MYO16: variants seen among roughly 807,000 people sequenced by gnomAD.
The protein encoded by MYO16 is unconventional myosin-XVI.
In MYO16, 94 loss-of-function variants were observed where a neutral mutation model predicts 205.3. The ratio of observed to expected loss-of-function variants is 0.46; its 90% CI spans 0.39 to 0.54. The LOEUF is 0.54. Ranked by LOEUF, MYO16 falls within the 20% of genes least tolerant of loss-of-function variation. The probability of loss-of-function intolerance (pLI) is 0.00; values close to 1 mark genes in which losing one functional copy is unlikely to be tolerated. For missense variants in MYO16, 2,315 were observed against 2,387.5 expected (o/e 0.97, Z 0.63); for synonymous variants, 988 against 954.0 (o/e 1.04, Z -0.66).
intron 4 of MYO16, among the ~76,000 whole-genome samples, chr13:108,771,182 T>C (rs60356859): frequency 0.021 from 3,131 of 152,262 alleles, 103 homozygotes; most frequent in African/African-American, 0.072. Flanking sequence ...TATGTCTATA[T>C]AGATATATAC....
At chr13:108,792,291 T>G (rs1373210971) in intron 5 of MYO16, among the ~76,000 whole-genome samples, 1 of 152,220 alleles carries the variant, frequency 6.6e-6, no homozygotes, top group South Asian at 2.1e-4. Flanking sequence ...AATGTTCAAC[T>G]GATGCATCAT....
At chr13:108,949,841 G>A (rs1443468824) in intron 16 of MYO16, among the ~76,000 whole-genome samples, 2 of 152,112 alleles carry the variant, frequency 1.3e-5, no homozygotes, top group Non-Finnish European at 2.9e-5. Context: ...ATCAAAGGAA[G>A]AGAAGGGAGA....
At chr13:109,122,453 C>T (rs1301857092) in intron 29 of MYO16, among the ~76,000 whole-genome samples, 1 of 152,068 alleles carries the variant, frequency 6.6e-6, no homozygotes, top group East Asian at 1.9e-4. Flanking sequence ...CCGAGGCAGG[C>T]GGATCACCTG....
intron 27 of MYO16, among the ~76,000 whole-genome samples, chr13:109,074,030 T>G (rs1395371511): frequency 2.1e-5 from 3 of 143,050 alleles, no homozygotes; most frequent in African/African-American, 7.6e-5. Context: ...TTGGTTTTGA[T>G]GGTAGTCATC....
chr13:108,594,449 C>T (rs1470436699), upstream of MYO16, among the ~76,000 whole-genome samples: 1 of 152,172 alleles, frequency 6.6e-6, no homozygotes, highest in Non-Finnish European at 1.5e-5. Context: ...ATGCCTGCTT[C>T]CCTCATTCTT....
At chr13:109,096,260 A>G (rs1888772763) in intron 27 of MYO16, among the ~76,000 whole-genome samples, 1 of 152,118 alleles carries the variant, frequency 6.6e-6, no homozygotes, top group African/African-American at 2.4e-5. Flanking sequence ...ATAGATCCTC[A>G]GTGTTCCTTG....
chr13:108,517,640 T>C, the MYO16 span, among the ~76,000 whole-genome samples: 2 of 152,244 alleles, frequency 1.3e-5, no homozygotes, highest in Admixed American at 1.3e-4. Flanking sequence ...ATTTTACTTT[T>C]AGAATAATAT....
At chr13:108,509,799 A>C in the MYO16 span, among the ~76,000 whole-genome samples, 4 of 152,336 alleles carry the variant, frequency 2.6e-5, no homozygotes, top group African/African-American at 9.6e-5. Flanking sequence ...AAGTATAATA[A>C]TAATAAAAAA....
chr13:108,500,206 GTTTTTTTTTTT>G, the MYO16 span, among the ~76,000 whole-genome samples: 4 of 11,946 alleles, frequency 3.3e-4, no homozygotes, highest in Admixed American at 2.3e-3. Flanking sequence ...GTTGATTCCT[GTTTTTTTTTTT>G]TTTGTTTTTT....
At chr13:108,823,047 G>C in intron 8 of MYO16, 78 bp from the exon 9 acceptor site, 1 of 1,311,980 alleles carries the variant, frequency 7.6e-7, no homozygotes, top group Non-Finnish European at 1.0e-6. Flanking sequence ...TAAGCATATC[G>C]GAATTATTGA....
At chr13:108,868,917 C>CAAAA (rs34882433) in intron 12 of MYO16, among the ~76,000 whole-genome samples, 8 of 138,334 alleles carry the variant, frequency 5.8e-5, no homozygotes, top group African/African-American at 1.6e-4. Context: ...GAGACTCTGT[C>CAAAA]AAAAAAAAAA....
upstream of MYO16, chr13:108,629,575 G>A: frequency 2.5e-6 from 1 of 406,896 alleles, no homozygotes; most frequent in Admixed American, 3.7e-5. Flanking sequence ...TGGTACTCGG[G>A]GCTGTGTCAA....
chr13:109,019,995 A>C, intron 23 of MYO16, 84 bp downstream of exon 23: 2 of 1,354,522 alleles, frequency 1.5e-6, no homozygotes, highest in East Asian at 2.4e-5. Context: ...TTGATATTTT[A>C]AGGTGTGTTA....
chr13:109,071,730 T>C (rs566632828), intron 27 of MYO16, among the ~76,000 whole-genome samples: 29 of 152,036 alleles, frequency 1.9e-4, no homozygotes, highest in African/African-American at 6.5e-4. Flanking sequence ...TAATTAACGA[T>C]GACCTACACA....
chr13:108,967,643 T>A (rs1409352877), intron 20 of MYO16, among the ~76,000 whole-genome samples: 1 of 152,202 alleles, frequency 6.6e-6, no homozygotes, highest in African/African-American at 2.4e-5. Context: ...TTTTATTTAT[T>A]AGGCTTAGCT....
intron 23 of MYO16, among the ~76,000 whole-genome samples, chr13:109,023,772 T>C (rs189409164): frequency 0.017 from 1,815 of 108,010 alleles, 53 homozygotes; most frequent in African/African-American, 0.055. Context: ...TATGTTTTTA[T>C]ATACATATTA....
At chr13:109,043,565 G>A (rs1886947918) in intron 23 of MYO16, among the ~76,000 whole-genome samples, 1 of 152,128 alleles carries the variant, frequency 6.6e-6, no homozygotes, top group Non-Finnish European at 1.5e-5. Flanking sequence ...GCATCAAATA[G>A]CAGTGTTGCA....
chr13:108,759,683 T>TG (rs1355837545), intron 4 of MYO16, among the ~76,000 whole-genome samples: 7 of 151,158 alleles, frequency 4.6e-5, no homozygotes, highest in African/African-American at 1.5e-4. Context: ...TAGCCAGGCG[T>TG]GGGGGCAGGC....
intron 34 of MYO16, among the ~76,000 whole-genome samples, chr13:109,201,027 G>C (rs1188436782): frequency 6.6e-6 from 1 of 152,058 alleles, no homozygotes; most frequent in African/African-American, 2.4e-5. Context: ...CTGCTGGGTA[G>C]AGATTTGGAT....
Sources: allele counts gnomAD v4.1 joint callset (sites outside exome capture counted in the v4.1 genomes callset), GRCh38; gene constraint gnomAD v4.1.1; transcripts MANE v1.5; gene names NCBI Gene and HGNC (gene_info 2026-07-23, HGNC 2026-07-21).